Variants in ONECUT1 observed in about 807,000 individuals in gnomAD.
The protein encoded by ONECUT1 is one cut homeobox 1, also known as hepatocyte nuclear factor 6.
In ONECUT1, 12 loss-of-function variants were observed where a neutral mutation model predicts 25.6. The ratio of observed to expected loss-of-function variants is 0.47; its 90% CI spans 0.30 to 0.76. The LOEUF is 0.76. Ranked by LOEUF, ONECUT1 falls within the 30% of genes least tolerant of loss-of-function variation. The probability of loss-of-function intolerance (pLI) is 0.07; values close to 1 mark genes in which losing one functional copy is unlikely to be tolerated. For synonymous variants in ONECUT1, 285 were observed against 270.2 expected (o/e 1.05, Z -0.54); for missense variants, 620 against 651.2 (o/e 0.95, Z 0.52).
intron 1 of ONECUT1, among the ~76,000 whole-genome samples, chr15:52,782,224 T>C (rs781540685): frequency 5.3e-5 from 8 of 152,216 alleles, no homozygotes; most frequent in Non-Finnish European, 1.0e-4. Context: ...AATTTTATGA[T>C]ACCGTAACAT....
At chr15:52,772,036 C>A (rs1327066232) in intron 1 of ONECUT1, among the ~76,000 whole-genome samples, 1 of 152,140 alleles carries the variant, frequency 6.6e-6, no homozygotes, top group African/African-American at 2.4e-5. Flanking sequence ...TCTCTCCCCA[C>A]AGTGAACTTG....
At chr15:52,763,454 T>G (rs2083717331) in intron 1 of ONECUT1, among the ~76,000 whole-genome samples, 1 of 152,054 alleles carries the variant, frequency 6.6e-6, no homozygotes, top group Non-Finnish European at 1.5e-5. Flanking sequence ...TGGGGACTGC[T>G]TTGCCTATAG....
chr15:52,772,849 G>T (rs995328796), intron 1 of ONECUT1, among the ~76,000 whole-genome samples: 2 of 152,188 alleles, frequency 1.3e-5, no homozygotes, highest in African/African-American at 4.8e-5. Flanking sequence ...ACATTTAGAG[G>T]ATGTTTAAAG....
rs1299392348 is a variant in ONECUT1, at chr15:52,790,202, C to T, written c.-318G>A. 6.6e-6 allele frequency among the ~76,000 whole-genome samples: 1 copy of T among 151,358 alleles called. No homozygotes were observed. The highest frequency in any genetic ancestry group is 2.4e-5 in the African/African-American group (1 of 41,292). The stretch of plus-strand genomic sequence containing the variant: ...GGAGAGCGCAGTGCCCCAGCCCGCC[C>T]GCCTCGGCCACCTCTCGCCCCTCTC... On this transcript the variant is annotated 5_prime_UTR_variant, in exon 1 of 2. Coordinates refer to ENST00000305901, the MANE Select transcript of ONECUT1 (RefSeq NM_004498.4).
At position 52,757,070 on chromosome 15, in the gene ONECUT1, T is replaced by C. The variant is rs1467779464; in HGVS notation, c.*485A>G. On this transcript the variant is annotated 3_prime_UTR_variant, in exon 2 of 2. Coordinates refer to ENST00000305901, the MANE Select transcript of ONECUT1 (RefSeq NM_004498.4). The stretch of plus-strand genomic sequence containing the variant: ...AAATCACACTCCTAATCCAATGAAC[T>C]CAGACAACCCCATACCATGTTGGTT... The C allele has an allele frequency of 1.9e-5, 3 of 155,202 alleles. No homozygotes were observed. The highest frequency in any genetic ancestry group is 6.4e-5 in the Admixed American group (1 of 15,734). 9.6% of individuals were successfully genotyped at this position (155,202 alleles called of 1,614,324 possible). A position where few individuals can be genotyped will look rare whatever the true frequency, so the allele number is the denominator to read the frequency against.
At chr15:52,780,598 T>A in intron 1 of ONECUT1, 7 of 1,535,420 alleles carry the variant, frequency 4.6e-6, no homozygotes, top group Non-Finnish European at 5.2e-6. Flanking sequence ...TAAATTGCCT[T>A]AATGAACGAT....
At chr15:52,767,084 C>T (rs983812559) in intron 1 of ONECUT1, among the ~76,000 whole-genome samples, 1 of 152,018 alleles carries the variant, frequency 6.6e-6, no homozygotes, top group Non-Finnish European at 1.5e-5. Context: ...TATTCTCTCT[C>T]TAGTTGACGA....
intron 1 of ONECUT1, among the ~76,000 whole-genome samples, chr15:52,771,606 T>TA (rs2083768241): frequency 6.6e-6 from 1 of 151,988 alleles, no homozygotes; most frequent in Non-Finnish European, 1.5e-5. Flanking sequence ...TGTTTTTTTT[T>TA]ACAATGAGCA....
In ONECUT1 at chr15:52,771,436, A is replaced by AGTGTGTGT. The variant is rs60500029; in HGVS notation, c.1106-13597_1106-13590dup. On this transcript the variant is annotated intron_variant, in intron 1 of 1. Coordinates refer to ENST00000305901, the MANE Select transcript of ONECUT1 (RefSeq NM_004498.4). The stretch of plus-strand genomic sequence containing the variant: ...TCATCTCATTTTTGCATAAAAAGCA[A>AGTGTGTGT]GTGTGTGTGTGTGTGTGTGTGTGTG... Among the ~76,000 whole-genome samples the AGTGTGTGT allele has an allele frequency of 1.2e-3, 169 of 144,970 alleles. 4 individuals carry two copies. In the East Asian group the frequency reaches 0.027, roughly 23 times the overall value.
At position 52,784,955 on chromosome 15, in the gene ONECUT1, C is replaced by A. The variant is rs1887040619; in HGVS notation, c.1105+3825G>T. Among the ~76,000 whole-genome samples, 1 of 152,184 alleles carries A rather than the reference C, an allele frequency of 6.6e-6. No individual in the cohort carries two copies. The highest frequency in any genetic ancestry group is 6.5e-5 in the Admixed American group (1 of 15,286). On this transcript the variant is annotated intron_variant, in intron 1 of 1. Transcript: ENST00000305901. The surrounding 1 kb of genome is among the most constrained non-coding windows in gnomAD (Gnocchi z 5.0). ...TGCTGGCCCTTTGTTCGCGCCGCAG[C>A]GGGCTGGGAGCAGCTGCGCGACACC...
chr15:52,789,996 T>G lies in ONECUT1; in HGVS notation c.-112A>C, dbSNP rs2083909845. The G allele has an allele frequency of 5.7e-6, 8 of 1,392,946 alleles. No homozygotes were observed. Among genetic ancestry groups the G allele is most frequent in the Non-Finnish European group, 7.4e-6 (8 of 1,077,784 alleles). 86.3% of individuals were successfully genotyped at this position (1,392,946 alleles called of 1,614,324 possible). On this transcript the variant is annotated 5_prime_UTR_variant, in exon 1 of 2. Coordinates refer to ENST00000305901, the MANE Select transcript of ONECUT1 (RefSeq NM_004498.4). The surrounding 1 kb of genome is among the most constrained non-coding windows in gnomAD (Gnocchi z 4.1). ...CGGCTGCTGGCGACTGTTGCCTTCC[T>G]TCCTCTCACTGTGGGGCTCTGTCTC...
intron 1 of ONECUT1, among the ~76,000 whole-genome samples, chr15:52,778,624 C>A (rs1171323478): frequency 2.0e-5 from 3 of 152,222 alleles, no homozygotes; most frequent in Non-Finnish European, 2.9e-5. Context: ...GCAATGGAAT[C>A]TCAAGCTGCA....
At chr15:52,762,916 T>C (rs917763941) in intron 1 of ONECUT1, among the ~76,000 whole-genome samples, 19 of 151,760 alleles carry the variant, frequency 1.3e-4, no homozygotes, top group Admixed American at 3.3e-4. Context: ...AGATTACCCA[T>C]TGTAAGGTAG....
chr15:52,758,811 C>T (rs2083688869), intron 1 of ONECUT1, among the ~76,000 whole-genome samples: 1 of 152,130 alleles, frequency 6.6e-6, no homozygotes, highest in African/African-American at 2.4e-5. Flanking sequence ...TGCCATAAGT[C>T]TCTTTCCACC....
chr15:52,761,383 C>A (rs2083705114), intron 1 of ONECUT1, among the ~76,000 whole-genome samples: 1 of 152,168 alleles, frequency 6.6e-6, no homozygotes, highest in African/African-American at 2.4e-5. Flanking sequence ...CAGAAAACCA[C>A]CGTAGGGCCA....
chr15:52,768,438 T>C (rs2141451371), intron 1 of ONECUT1, among the ~76,000 whole-genome samples: 1 of 152,318 alleles, frequency 6.6e-6, no homozygotes, highest in Admixed American at 6.5e-5. Flanking sequence ...ATTCCATCAG[T>C]ATCCCTCACT....
intron 1 of ONECUT1, chr15:52,787,680 C>A (rs977370694): frequency 1.1e-4 from 16 of 152,178 alleles, no homozygotes; most frequent in African/African-American, 3.6e-4. Context: ...AGTCAATCAA[C>A]TTGGCAACCG....
At chr15:52,763,115 G>T (rs1314565954) in intron 1 of ONECUT1, among the ~76,000 whole-genome samples, 1 of 152,080 alleles carries the variant, frequency 6.6e-6, no homozygotes, top group Non-Finnish European at 1.5e-5. Context: ...AGAAATACTT[G>T]TCAGTTAACT....
Position 52,757,466 on chromosome 15 carries a change from A to G in ONECUT1, c.*89T>C. On this transcript the variant is annotated 3_prime_UTR_variant, in exon 2 of 2. Coordinates refer to ENST00000305901, the MANE Select transcript of ONECUT1 (RefSeq NM_004498.4). ...TTTTTTTCTTCAAATATTTCTAAGTATAAACCTGCTATCTTGAGGTCCTGG... is the reference window on the plus strand; with the variant it reads ...TTTTTTTCTTCAAATATTTCTAAGTGTAAACCTGCTATCTTGAGGTCCTGG... 1 of 1,366,288 alleles carries G rather than the reference A, an allele frequency of 7.3e-7. No individual in the cohort carries two copies. Among genetic ancestry groups the G allele is most frequent in the Non-Finnish European group, 1.0e-6 (1 of 998,036 alleles). 84.6% of individuals were successfully genotyped at this position (1,366,288 alleles called of 1,614,324 possible).
Sources: allele counts gnomAD v4.1 joint callset (sites outside exome capture counted in the v4.1 genomes callset), GRCh38; gene constraint gnomAD v4.1.1; non-coding constraint Gnocchi (gnomAD v3.1); transcripts MANE v1.5; gene names NCBI Gene and HGNC (gene_info 2026-07-23, HGNC 2026-07-21).